The following SETBP1 variants were observed in gnomAD, a reference collection of about 807,000 sequenced individuals.
SETBP1 encodes SET-binding protein.
A neutral mutation model predicts 101.0 loss-of-function variants in SETBP1; 9 were observed. That is an observed-to-expected ratio of 0.09 (90% CI 0.05 to 0.16). The LOEUF is 0.16. SETBP1 is among the 10% of genes least tolerant of loss of function. The pLI, the probability that SETBP1 is intolerant of heterozygous loss-of-function variation, is 1.00. For missense variants in SETBP1, 1,858 were observed against 2,033.8 expected (o/e 0.91, Z 1.66); for synonymous variants, 818 against 788.5 (o/e 1.04, Z -0.63).
At chr18:45,042,811 T>C (rs1305928733) in intron 5 of SETBP1, among the ~76,000 whole-genome samples, 1 of 152,098 alleles carries the variant, frequency 6.6e-6, no homozygotes, top group Non-Finnish European at 1.5e-5. Flanking sequence ...GCTGGGAACA[T>C]GTCAGTTTGT....
chr18:44,914,139 C>T (rs758813205), intron 3 of SETBP1, among the ~76,000 whole-genome samples: 8 of 152,206 alleles, frequency 5.3e-5, no homozygotes, highest in Non-Finnish European at 8.8e-5. Flanking sequence ...TTCTTTCATA[C>T]TCTTTGTGTG....
At chr18:45,031,206 G>A (rs1302699819) in intron 4 of SETBP1, among the ~76,000 whole-genome samples, 2 of 151,996 alleles carry the variant, frequency 1.3e-5, no homozygotes, top group Non-Finnish European at 2.9e-5. Context: ...ATTTGAATGG[G>A]CTTTTGTGAT....
At chr18:44,753,781 G>T (rs528067468) in intron 2 of SETBP1, among the ~76,000 whole-genome samples, 29 of 152,330 alleles carry the variant, frequency 1.9e-4, no homozygotes, top group African/African-American at 7.0e-4. Flanking sequence ...TGACAGCAGG[G>T]TGAGGGAGGA....
intron 1 of SETBP1, among the ~76,000 whole-genome samples, chr18:44,687,807 A>G (rs1467099731): frequency 6.6e-6 from 1 of 151,924 alleles, no homozygotes; most frequent in Non-Finnish European, 1.5e-5. Flanking sequence ...TCATTTCTCC[A>G]TGTAGATTCT....
chr18:44,778,499 A>G (rs1443975884), intron 2 of SETBP1, among the ~76,000 whole-genome samples: 1 of 152,248 alleles, frequency 6.6e-6, no homozygotes, highest in Non-Finnish European at 1.5e-5. Flanking sequence ...GATTTTTATC[A>G]TCTGATTTTC....
chr18:45,031,705 G>A (rs543795345), intron 4 of SETBP1, among the ~76,000 whole-genome samples: 14 of 152,244 alleles, frequency 9.2e-5, no homozygotes, highest in Admixed American at 2.0e-4. Flanking sequence ...GCTAGGTGCC[G>A]GGGAACCAAC....
At chr18:44,781,296 A>G (rs537200929) in intron 2 of SETBP1, among the ~76,000 whole-genome samples, 99 of 152,304 alleles carry the variant, frequency 6.5e-4, no homozygotes, top group African/African-American at 2.2e-3. Flanking sequence ...GAGGGTGGCT[A>G]TGCAAGGATA....
intron 4 of SETBP1, among the ~76,000 whole-genome samples, chr18:44,974,620 T>A (rs2071945374): frequency 6.6e-6 from 1 of 152,204 alleles, no homozygotes; most frequent in Admixed American, 6.5e-5. Flanking sequence ...GGTGGGTGAC[T>A]AGATTTACCA....
intron 2 of SETBP1, among the ~76,000 whole-genome samples, chr18:44,813,595 C>T (rs889708995): frequency 1.3e-5 from 2 of 152,194 alleles, no homozygotes; most frequent in Non-Finnish European, 2.9e-5. Context: ...CCAATTCCAT[C>T]TAGGCTCTAC....
intron 3 of SETBP1, among the ~76,000 whole-genome samples, chr18:44,947,780 C>T (rs2071243832): frequency 6.6e-6 from 1 of 152,194 alleles, no homozygotes; most frequent in South Asian, 2.1e-4. Context: ...ACTGGAACTA[C>T]AGGCGTGAGC....
intron 2 of SETBP1, among the ~76,000 whole-genome samples, chr18:44,817,531 A>G (rs1407995662): frequency 3.9e-5 from 6 of 151,980 alleles, no homozygotes; most frequent in Non-Finnish European, 7.4e-5. Context: ...TAAAAATACA[A>G]AGAATTAGCT....
chr18:44,746,991 A>G (rs1219965957), intron 2 of SETBP1, among the ~76,000 whole-genome samples: 1 of 152,214 alleles, frequency 6.6e-6, no homozygotes, highest in African/African-American at 2.4e-5. Flanking sequence ...GTTTTTATAT[A>G]GTGTCTGATG....
At chr18:44,811,216 C>G (rs1400179554) in intron 2 of SETBP1, among the ~76,000 whole-genome samples, 2 of 152,192 alleles carry the variant, frequency 1.3e-5, no homozygotes, top group Admixed American at 6.5e-5. Flanking sequence ...CATGAAGAGA[C>G]AAATCTAGCC....
At chr18:44,778,401 T>A (rs1268982534) in intron 2 of SETBP1, among the ~76,000 whole-genome samples, 1 of 152,220 alleles carries the variant, frequency 6.6e-6, no homozygotes, top group African/African-American at 2.4e-5. Flanking sequence ...GTTAAGAAGT[T>A]CATCAAAAGC....
intron 2 of SETBP1, among the ~76,000 whole-genome samples, chr18:44,861,915 T>G (rs1486454167): frequency 6.6e-6 from 1 of 152,222 alleles, no homozygotes; most frequent in Non-Finnish European, 1.5e-5. Flanking sequence ...CAAATAAGTT[T>G]CTTTGGGTTC....
chr18:45,064,680 T>A lies in SETBP1; in HGVS notation c.*982T>A, dbSNP rs548365470. On this transcript the variant is annotated 3_prime_UTR_variant, in exon 6 of 6. Coordinates refer to ENST00000649279, the MANE Select transcript of SETBP1 (RefSeq NM_015559.3). ...CATAGGCAGAATAAAATGGTTTAAA[T>A]ACCCCACAGCAAATAGAGTAACTGA... 1 of 152,026 alleles carries A rather than the reference T, an allele frequency of 6.6e-6. No individual in the cohort carries two copies. Among genetic ancestry groups the A allele is most frequent in the African/African-American group, 2.4e-5 (1 of 41,496 alleles). The allele number at this position is 152,026 out of a possible 1,614,324, so 9.4% of individuals were successfully genotyped here. A position where few individuals can be genotyped will look rare whatever the true frequency, so the allele number is the denominator to read the frequency against.
chr18:44,813,855 A>C (rs9945779), intron 2 of SETBP1, among the ~76,000 whole-genome samples: 22,600 of 152,102 alleles, frequency 0.15, 2,638 homozygotes, highest in African/African-American at 0.32. Flanking sequence ...ACATGGGAAC[A>C]CTGATGGGTT....
At chr18:44,730,012 C>T (rs896233125) in intron 2 of SETBP1, among the ~76,000 whole-genome samples, 19 of 152,148 alleles carry the variant, frequency 1.2e-4, no homozygotes, top group Admixed American at 1.0e-3. Context: ...CTGAGTGTGA[C>T]GTGAGGTCTA....
intron 2 of SETBP1, among the ~76,000 whole-genome samples, chr18:44,719,958 A>C (rs2069549757): frequency 6.6e-6 from 1 of 152,150 alleles, no homozygotes; most frequent in African/African-American, 2.4e-5. Context: ...AAATCTGGAG[A>C]GCATCCGGGG....
Sources: allele counts gnomAD v4.1 joint callset (sites outside exome capture counted in the v4.1 genomes callset), GRCh38; gene constraint gnomAD v4.1.1; transcripts MANE v1.5; gene names NCBI Gene and HGNC (gene_info 2026-07-23, HGNC 2026-07-21).